Variants in CNBD1 observed in about 807,000 individuals in gnomAD.
The protein encoded by CNBD1 is cyclic nucleotide binding domain containing 1.
In CNBD1, 71 loss-of-function variants were observed where a neutral mutation model predicts 54.4. The ratio of observed to expected loss-of-function variants is 1.30; its 90% CI spans 1.08 to 1.59. The LOEUF (loss-of-function observed/expected upper bound fraction) is 1.59, where lower values mean the gene tolerates loss of function less well. CNBD1 is among the 40% of genes most tolerant of loss of function. The probability of loss-of-function intolerance (pLI) is 0.00; values close to 1 mark genes in which losing one functional copy is unlikely to be tolerated. For synonymous variants in CNBD1, 182 were observed against 170.7 expected, an observed-to-expected ratio of 1.07 and a Z score of -0.51; for missense variants, 659 against 518.0, an observed-to-expected ratio of 1.27 and a Z score of -2.64.
At chr8:87,315,885 T>C (rs1204958319) in intron 8 of CNBD1, among the ~76,000 whole-genome samples, 1 of 152,014 alleles carries the variant, frequency 6.6e-6, no homozygotes, top group Non-Finnish European at 1.5e-5. Flanking sequence ...AAAGAATAAA[T>C]GTTTGAGGTG....
chr8:86,934,303 C>T (rs149213398), intron 3 of CNBD1, among the ~76,000 whole-genome samples: 1 of 152,064 alleles, frequency 6.6e-6, no homozygotes, highest in African/African-American at 2.4e-5. Flanking sequence ...TCAGTGCCTT[C>T]GTGCATTCAT....
chr8:87,425,016 A>G (rs28832603), intron 2 of CNBD1, among the ~76,000 whole-genome samples: 85,767 of 151,768 alleles, frequency 0.57, 25,769 homozygotes, highest in African/African-American at 0.77. Context: ...GGCTTTCCTC[A>G]TTTCTTTTTA....
intron 3 of CNBD1, among the ~76,000 whole-genome samples, chr8:86,938,281 C>A (rs547356677): frequency 1.3e-5 from 2 of 152,156 alleles, no homozygotes; most frequent in African/African-American, 4.8e-5. Flanking sequence ...TTTGACAAGT[C>A]TCTAGGAAGT....
chr8:87,415,533 A>G (rs950423470), intron 2 of CNBD1, among the ~76,000 whole-genome samples: 1 of 152,018 alleles, frequency 6.6e-6, no homozygotes, highest in African/African-American at 2.4e-5. Flanking sequence ...TCATGACACT[A>G]CAGTATTGTT....
At chr8:87,155,398 A>C (rs773245066) in intron 4 of CNBD1, among the ~76,000 whole-genome samples, 5 of 152,182 alleles carry the variant, frequency 3.3e-5, no homozygotes, top group Non-Finnish European at 5.9e-5. Flanking sequence ...AAGGAGGAAT[A>C]AATAGAGTCT....
chr8:87,142,922 T>A (rs1353820229), intron 4 of CNBD1, among the ~76,000 whole-genome samples: 2 of 152,138 alleles, frequency 1.3e-5, no homozygotes, highest in African/African-American at 2.4e-5. Flanking sequence ...TTCTGTTAGG[T>A]AGCAGACATA....
At chr8:86,918,216 T>C (rs965952494) in intron 3 of CNBD1, among the ~76,000 whole-genome samples, 1 of 152,094 alleles carries the variant, frequency 6.6e-6, no homozygotes, top group African/African-American at 2.4e-5. Context: ...TTAGCACGGA[T>C]TCTGTCATGA....
chr8:87,020,722 T>A (rs1277588182), intron 4 of CNBD1, among the ~76,000 whole-genome samples: 1 of 152,196 alleles, frequency 6.6e-6, no homozygotes, highest in Non-Finnish European at 1.5e-5. Flanking sequence ...ACCTTAAAAT[T>A]GCCCTGCAAA....
chr8:87,321,409 C>T (rs1036100620), intron 8 of CNBD1, among the ~76,000 whole-genome samples: 22 of 152,134 alleles, frequency 1.4e-4, no homozygotes, highest in African/African-American at 5.3e-4. Flanking sequence ...AAGGCAATAT[C>T]TCTTTGTGAT....
intron 5 of CNBD1, among the ~76,000 whole-genome samples, chr8:87,232,174 T>C (rs966945480): frequency 3.3e-5 from 5 of 152,180 alleles, no homozygotes; most frequent in African/African-American, 1.2e-4. Flanking sequence ...ACACATTTTC[T>C]TCCAGAGGGA....
intron 4 of CNBD1, among the ~76,000 whole-genome samples, chr8:87,100,467 G>A (rs1386161597): frequency 6.6e-6 from 1 of 152,016 alleles, no homozygotes; most frequent in Non-Finnish European, 1.5e-5. Context: ...ATAACAGAAA[G>A]CCAAGGTTTT....
intron 4 of CNBD1, among the ~76,000 whole-genome samples, chr8:87,099,974 T>G (rs1190076582): frequency 6.6e-6 from 1 of 152,104 alleles, no homozygotes; most frequent in Non-Finnish European, 1.5e-5. Context: ...CTCTTAATGT[T>G]AAGAAGTCTG....
chr8:87,362,700 C>T (rs1810548010), intron 10 of CNBD1, among the ~76,000 whole-genome samples: 1 of 151,962 alleles, frequency 6.6e-6, no homozygotes, highest in African/African-American at 2.4e-5. Flanking sequence ...CAGAAAAGAC[C>T]AGGCAGCCAT....
At chr8:86,967,767 T>G (rs572523698) in intron 4 of CNBD1, among the ~76,000 whole-genome samples, 38 of 152,246 alleles carry the variant, frequency 2.5e-4, no homozygotes, top group African/African-American at 8.9e-4. Context: ...CCAACATTCC[T>G]GTCATATCTC....
intron 4 of CNBD1, among the ~76,000 whole-genome samples, chr8:87,139,548 G>A (rs1163113524): frequency 6.6e-6 from 1 of 152,126 alleles, no homozygotes; most frequent in Non-Finnish European, 1.5e-5. Flanking sequence ...GGCATGTATG[G>A]GCAGAGAGAA....
chr8:87,207,629 G>C (rs1199305655), intron 5 of CNBD1, among the ~76,000 whole-genome samples: 1 of 151,950 alleles, frequency 6.6e-6, no homozygotes, highest in Non-Finnish European at 1.5e-5. Flanking sequence ...ATTTGAGTTG[G>C]TTTTATTCTC....
chr8:87,137,199 A>T (rs1013896014), intron 4 of CNBD1, among the ~76,000 whole-genome samples: 1 of 144,108 alleles, frequency 6.9e-6, no homozygotes, highest in East Asian at 2.0e-4. Flanking sequence ...TATAAATTAT[A>T]TATATATTAT....
chr8:87,328,330 A>C (rs907088720), intron 8 of CNBD1, among the ~76,000 whole-genome samples: 2 of 152,082 alleles, frequency 1.3e-5, no homozygotes, highest in South Asian at 4.1e-4. Context: ...TAGTCTTTTA[A>C]ATATAATTAT....
chr8:86,944,302 C>T (rs1196352818), intron 4 of CNBD1, among the ~76,000 whole-genome samples: 3 of 152,106 alleles, frequency 2.0e-5, no homozygotes. Context: ...TGTCAGTATT[C>T]CTGGTATTGG....
Sources: gnomAD v4.1 joint callset for allele counts (sites outside exome capture counted in the v4.1 genomes callset) on GRCh38, gnomAD v4.1.1 for gene constraint, MANE v1.5 for transcripts, NCBI Gene and HGNC (gene_info 2026-07-23, HGNC 2026-07-21) for gene names.